VAV3: variants seen among roughly 807,000 people sequenced by gnomAD.
VAV3 encodes the protein guanine nucleotide exchange factor VAV3.
Under a neutral mutation model 131.2 loss-of-function variants are expected in VAV3, and 94 were observed. The ratio of observed to expected loss-of-function variants is 0.72; its 90% CI spans 0.61 to 0.85. The LOEUF is 0.85. Among genes scored for constraint, VAV3 ranks in the 40% least tolerant of loss-of-function variants. The pLI is 0.00. For synonymous variants in VAV3, 349 were observed against 342.0 expected (o/e 1.02, Z -0.22); for missense variants, 939 against 1,002.7 (o/e 0.94, Z 0.86).
At chr1:107,964,426 C>T (rs1675312006) in intron 1 of VAV3, 3 of 456,972 alleles carry the variant, frequency 6.6e-6, no homozygotes, top group South Asian at 6.6e-5. Context: ...TCACAGAAAG[C>T]CTTTACGAAA....
intron 1 of VAV3, 112 bp downstream of exon 1, chr1:107,964,554 G>C (rs1021010831): frequency 5.7e-6 from 7 of 1,231,042 alleles, no homozygotes; most frequent in Admixed American, 2.4e-5. Flanking sequence ...AGAAGGCTGG[G>C]AAGCAGGGCA....
intron 19 of VAV3, among the ~76,000 whole-genome samples, chr1:107,681,715 G>C (rs963787875): frequency 1.3e-5 from 2 of 150,524 alleles, no homozygotes; most frequent in Admixed American, 1.3e-4. Flanking sequence ...GTGCAGTGGC[G>C]CGATCTCGGC....
intron 25 of VAV3, chr1:107,578,864 A>T: frequency 1.0e-6 from 1 of 985,150 alleles, no homozygotes; most frequent in Non-Finnish European, 1.2e-6. Flanking sequence ...AAGAGTCTGG[A>T]ATATAACAAG....
chr1:107,729,598 G>A (rs895598494), intron 15 of VAV3, among the ~76,000 whole-genome samples: 3 of 152,172 alleles, frequency 2.0e-5, no homozygotes, highest in Non-Finnish European at 4.4e-5. Context: ...GTGATGAGCT[G>A]TGTGGTTCAG....
At position 107,904,292 on chromosome 1, in the gene VAV3, A is replaced by G. The variant is rs74808790; in HGVS notation, c.205-29275T>C. Among the ~76,000 whole-genome samples the G allele has an allele frequency of 2.6e-3, 390 of 152,328 alleles. 1 individual carries two copies. Among genetic ancestry groups the G allele is most frequent in the African/African-American group, 9.0e-3 (374 of 41,578 alleles). ...CCAAGCTGTCACTCTAGATAAATGT[A>G]TACGTATGATGTGACTGAATGATGT... is the stretch of plus-strand genomic sequence containing the variant. On this transcript the variant is annotated intron_variant, in intron 1 of 26. Coordinates refer to ENST00000370056, the MANE Select transcript of VAV3 (RefSeq NM_006113.5).
At chr1:107,702,733 T>C (rs892202194) in intron 17 of VAV3, among the ~76,000 whole-genome samples, 26 of 151,580 alleles carry the variant, frequency 1.7e-4, no homozygotes, top group African/African-American at 6.1e-4. Context: ...TCCTTAACGT[T>C]CCCATCCACG....
intron 2 of VAV3, among the ~76,000 whole-genome samples, chr1:107,821,203 C>G (rs1412237310): frequency 6.6e-6 from 1 of 152,078 alleles, no homozygotes; most frequent in Admixed American, 6.6e-5. Context: ...TTTCAGACAC[C>G]TAAGGAAAAA....
intron 18 of VAV3, 33 bp from the exon 19 acceptor site, chr1:107,683,566 T>C (rs774905464): frequency 3.1e-6 from 5 of 1,610,986 alleles, no homozygotes; most frequent in Middle Eastern, 1.7e-4. Context: ...GCAAAACAAA[T>C]ATGTGTTGGT....
intron 19 of VAV3, among the ~76,000 whole-genome samples, chr1:107,651,564 G>T (rs6673198): frequency 6.7e-6 from 1 of 149,914 alleles, no homozygotes; most frequent in African/African-American, 2.5e-5. Context: ...GAGGGAGGGA[G>T]GGACCCTTTC....
chr1:107,790,226 C>G (rs1007966420), intron 2 of VAV3, among the ~76,000 whole-genome samples: 2 of 152,348 alleles, frequency 1.3e-5, no homozygotes, highest in East Asian at 3.9e-4. Flanking sequence ...TCCTTCCACA[C>G]AGGCCTTATG....
intron 8 of VAV3, 68 bp from the exon 9 acceptor site, chr1:107,765,243 CAGAATCTTCATCTCTTTA>C: frequency 8.3e-7 from 1 of 1,200,576 alleles, no homozygotes; most frequent in African/African-American, 1.5e-5. Flanking sequence ...GGGAAACAAG[CAGAATCTTCATCTCTTTA>C]AAACCATTGT....
chr1:107,749,398 T>A (rs1663560301), intron 14 of VAV3, 64 bp downstream of exon 14: 2 of 1,497,138 alleles, frequency 1.3e-6, no homozygotes, highest in Admixed American at 2.3e-5. Flanking sequence ...TAATGTATTA[T>A]CATACTTTTC....
intron 1 of VAV3, among the ~76,000 whole-genome samples, chr1:107,888,678 C>T (rs1486682320): frequency 3.3e-5 from 5 of 151,996 alleles, no homozygotes; most frequent in African/African-American, 1.2e-4. Context: ...AGGCTGGTCT[C>T]GAACTTCTGA....
chr1:107,756,109 T>G (rs1664086567), intron 11 of VAV3, among the ~76,000 whole-genome samples: 1 of 152,182 alleles, frequency 6.6e-6, no homozygotes, highest in East Asian at 1.9e-4. Flanking sequence ...GGAACTAAAT[T>G]TAATTCATGA....
At chr1:107,723,516 T>C (rs922930148) in intron 15 of VAV3, among the ~76,000 whole-genome samples, 2 of 102,566 alleles carry the variant, frequency 1.9e-5, no homozygotes, top group East Asian at 5.3e-4. Flanking sequence ...CATCTGGGCC[T>C]GGCTGCTTGA....
At chr1:107,910,246 C>T (rs1672303772) in intron 1 of VAV3, among the ~76,000 whole-genome samples, 1 of 152,156 alleles carries the variant, frequency 6.6e-6, no homozygotes, top group Non-Finnish European at 1.5e-5. Flanking sequence ...CTTTTCCATA[C>T]ACGGATAAGA....
chr1:107,773,717 C>T (rs1328836866), intron 4 of VAV3, among the ~76,000 whole-genome samples: 1 of 152,134 alleles, frequency 6.6e-6, no homozygotes, highest in Non-Finnish European at 1.5e-5. Context: ...ACATAATTTC[C>T]ATACTGAGGG....
intron 1 of VAV3, among the ~76,000 whole-genome samples, chr1:107,938,604 G>A (rs1673838534): frequency 6.6e-6 from 1 of 152,148 alleles, no homozygotes; most frequent in African/African-American, 2.4e-5. Context: ...GGATGACTTG[G>A]TTGTCCTTTC....
chr1:107,870,832 A>C (rs1571071239), intron 2 of VAV3, among the ~76,000 whole-genome samples: 1 of 152,254 alleles, frequency 6.6e-6, no homozygotes, highest in East Asian at 1.9e-4. Context: ...GATACTCTTT[A>C]AGAAAACATA....
Sources: gnomAD v4.1 joint callset for allele counts (sites outside exome capture counted in the v4.1 genomes callset) on GRCh38, gnomAD v4.1.1 for gene constraint, MANE v1.5 for transcripts, NCBI Gene and HGNC (gene_info 2026-07-23, HGNC 2026-07-21) for gene names.